The following HKDC1 variants were observed in gnomAD, a reference collection of about 807,000 sequenced individuals.
The protein encoded by HKDC1 is hexokinase domain containing 1.
HKDC1 carries 66 observed loss-of-function variants against 96.6 expected under a neutral mutation model. The observed-to-expected ratio is 0.68, with a 90% confidence interval of 0.56 to 0.84. HKDC1 has a LOEUF of 0.84. HKDC1 is among the 40% of genes least tolerant of loss of function. The pLI is 0.00. For missense variants in HKDC1, 1,211 were observed against 1,208.1 expected, an observed-to-expected ratio of 1.00 and a Z score of -0.04; for synonymous variants, 466 against 473.1, an observed-to-expected ratio of 0.98 and a Z score of 0.20.
At chr10:69,238,258 T>C (rs555538420) in intron 4 of HKDC1, among the ~76,000 whole-genome samples, 10 of 152,372 alleles carry the variant, frequency 6.6e-5, no homozygotes, top group Admixed American at 5.2e-4. Flanking sequence ...ATCATTTTTC[T>C]AAGTTGAAAT....
rs186317444 is a variant in HKDC1, at chr10:69,249,518, C to T, written c.1571-772C>T. 3.9e-4 allele frequency among the ~76,000 whole-genome samples: 59 copies of T among 152,140 alleles called. 1 individual carries two copies. The highest frequency in any genetic ancestry group is 1.3e-3 in the African/African-American group (56 of 41,522). On this transcript the variant is annotated intron_variant, in intron 10 of 17. Coordinates refer to ENST00000354624, the MANE Select transcript of HKDC1 (RefSeq NM_025130.4). ...ATTTTTATTTTTATTTTTTTTGAGACGGAGTCTCGCTCTGTCACCCAGGCT... is the reference window on the plus strand; with the variant it reads ...ATTTTTATTTTTATTTTTTTTGAGATGGAGTCTCGCTCTGTCACCCAGGCT...
chr10:69,247,659 C>G (rs1843564272), intron 9 of HKDC1, 66 bp downstream of exon 9: 1 of 1,254,942 alleles, frequency 8.0e-7, no homozygotes, highest in African/African-American at 1.5e-5. Flanking sequence ...CCAGTGTCTT[C>G]TGGACTATCC....
At chr10:69,242,651 T>G (rs1235133772) in intron 6 of HKDC1, among the ~76,000 whole-genome samples, 1 of 152,198 alleles carries the variant, frequency 6.6e-6, no homozygotes, top group Admixed American at 6.5e-5. Flanking sequence ...AGGCATTTCC[T>G]TGGAGCGATT....
At chr10:69,226,472 C>A (rs1260817179) in intron 1 of HKDC1, among the ~76,000 whole-genome samples, 6 of 151,838 alleles carry the variant, frequency 4.0e-5, no homozygotes, top group South Asian at 2.1e-4. Flanking sequence ...CATGGCGAAA[C>A]CCCATCTCTA....
intron 15 of HKDC1, among the ~76,000 whole-genome samples, chr10:69,260,837 T>C (rs541789923): frequency 6.6e-6 from 1 of 152,134 alleles, no homozygotes; most frequent in African/African-American, 2.4e-5. Context: ...ATTTGCAGAG[T>C]GGAACAGATT....
chr10:69,251,640 G>A (rs1324831925), intron 12 of HKDC1, among the ~76,000 whole-genome samples: 1 of 152,030 alleles, frequency 6.6e-6, no homozygotes, highest in Non-Finnish European at 1.5e-5. Context: ...CATTAATTTA[G>A]GTCTTCTTTA....
chr10:69,260,416 C>G (rs927442459), intron 15 of HKDC1, among the ~76,000 whole-genome samples: 3 of 152,224 alleles, frequency 2.0e-5, no homozygotes, highest in Non-Finnish European at 2.9e-5. Context: ...GCAGTTCATT[C>G]TAGTTAGCTT....
rs780227986 is a variant in HKDC1, at chr10:69,239,049, T to C, written c.503T>C (p.Leu168Pro). ...CRQTKLEEGVLLSWTKKFKAR... is the reference protein window; with the variant it reads ...CRQTKLEEGVPLSWTKKFKAR... ...CCTGAAATCTTCTCCCAGGGTGTCC[T>C]ACTTTCGTGGACAAAAAAGTTTAAG... Residue 168 changes from leucine (L) to proline (P), a missense_variant, in exon 5 of 18, where the codon CTA (leucine) becomes CCA (proline). By Grantham distance (98) the Leu-to-Pro change is moderately conservative. Transcript: ENST00000354624. The C allele has an allele frequency of 3.1e-6, 5 of 1,612,668 alleles. No individual in the cohort carries two copies. The highest frequency in any genetic ancestry group is 4.2e-6 in the Non-Finnish European group (5 of 1,178,850).
rs1843177381 is a variant in HKDC1 at position 69,227,374 on chromosome 10, G to A, written c.226+5G>A. ...GGGCCATTCCCGATGGTTCCGGTGA[G>A]TGCAGTTGTCCGCTGCCAGGGTCCC... On this transcript the variant is annotated splice_donor_5th_base_variant and intron_variant, in intron 2 of 17. Transcript: ENST00000354624. 3 of 1,614,146 alleles carry A rather than the reference G, an allele frequency of 1.9e-6. No individual in the cohort carries two copies. Among genetic ancestry groups the A allele is most frequent in the Non-Finnish European group, 2.5e-6 (3 of 1,180,002 alleles).
At chr10:69,222,776 G>A (rs7089312) in intron 1 of HKDC1, 33,056 of 152,140 alleles carry the variant, frequency 0.22, 4,381 homozygotes, top group Non-Finnish European at 0.31. Context: ...TTAAGCAAGT[G>A]CCCCAGGAAG....
chr10:69,258,909 C>T lies in HKDC1; in HGVS notation c.2166C>T (p.Thr722=). The T allele has an allele frequency of 6.2e-7, 1 of 1,606,048 alleles. No homozygotes were observed. The highest frequency in any genetic ancestry group is 8.5e-7 in the Non-Finnish European group (1 of 1,176,302). The change falls in exon 15 of 18, where the codon ACC becomes ACT. Residue 722 remains threonine, a synonymous_variant. Transcript: ENST00000354624. ...GDNGCIDDIW[T]RYDTEVDEGS... ...ATGGCTGCATAGATGACATCTGGAC[C>T]CGATACGACACGGAGGTGGATGAGG...
Position 69,220,363 on chromosome 10 carries a change from C to T in HKDC1, c.-73C>T, listed in dbSNP as rs978287264. On this transcript the variant is annotated 5_prime_UTR_variant, in exon 1 of 18. Transcript: ENST00000354624. The stretch of plus-strand genomic sequence containing the variant: ...GCCAGCCTGGACTGGAAGCGTGCAA[C>T]ACTCCAGAGTCGTAGGAGTGAACAC... The T allele has an allele frequency of 1.7e-6, 2 of 1,195,950 alleles. No homozygotes were observed. The highest frequency in any genetic ancestry group is 3.1e-5 in the African/African-American group (2 of 63,890). 74.1% of individuals were successfully genotyped at this position (1,195,950 alleles called of 1,614,324 possible).
In HKDC1 at chr10:69,258,832, G is replaced by A. The variant is rs754159524; in HGVS notation, c.2089G>A (p.Gly697Arg). The change falls in exon 15 of 18, where the codon GGG (glycine) becomes AGG (arginine). Residue 697 changes from glycine (G) to arginine (R), a missense_variant. Transcript: ENST00000354624. The stretch of plus-strand genomic sequence containing the variant: ...CATGAGGAACATCGAGATGGTGGAG[G>A]GGGGTGAAGGGAAGATGTGCATCAA... The part of the protein sequence containing the change: ...EDMRNIEMVE[G>R]GEGKMCINTE... 4 of 1,613,972 alleles carry A rather than the reference G, an allele frequency of 2.5e-6. No individual in the cohort carries two copies. The Admixed American group carries it at 5.0e-5, about 20-fold the overall frequency.
chr10:69,238,988 G>T, intron 4 of HKDC1, 54 bp from the exon 5 acceptor site: 1 of 1,330,786 alleles, frequency 7.5e-7, no homozygotes, highest in Admixed American at 1.8e-5. Flanking sequence ...CTGCGGCTCA[G>T]TTGCACATCT....
At chr10:69,243,153 C>T (rs201531521) in intron 6 of HKDC1, 29 bp from the exon 7 acceptor site, 67 of 1,612,322 alleles carry the variant, frequency 4.2e-5, no homozygotes, top group Admixed American at 3.2e-4. Context: ...AGTCCTCTCT[C>T]TGCATATTCT....
At chr10:69,228,278 C>T (rs1010950691) in intron 2 of HKDC1, among the ~76,000 whole-genome samples, 3 of 152,144 alleles carry the variant, frequency 2.0e-5, no homozygotes, top group African/African-American at 4.8e-5. Context: ...CCTTCTGCCT[C>T]CTTTCAACAT....
At chr10:69,258,682 C>T (rs1843758096) in intron 14 of HKDC1, 94 bp from the exon 15 acceptor site, 11 of 1,295,280 alleles carry the variant, frequency 8.5e-6, no homozygotes, top group East Asian at 2.3e-5. Flanking sequence ...TTGTATCTGA[C>T]TCCAAGCTTA....
intron 2 of HKDC1, 61 bp from the exon 3 acceptor site, chr10:69,232,703 A>C: frequency 3.4e-6 from 5 of 1,475,868 alleles, no homozygotes; most frequent in Non-Finnish European, 4.7e-6. Context: ...CCTCTAATGC[A>C]GAGCTTGCCA....
chr10:69,225,322 C>T (rs1843137922), intron 1 of HKDC1, among the ~76,000 whole-genome samples: 1 of 152,188 alleles, frequency 6.6e-6, no homozygotes. Context: ...CAGCATCCCA[C>T]CCTTCCCCAA....
Sources: gnomAD v4.1 joint callset for allele counts (sites outside exome capture counted in the v4.1 genomes callset) on GRCh38, gnomAD v4.1.1 for gene constraint, MANE v1.5 for transcripts, NCBI Gene and HGNC (gene_info 2026-07-23, HGNC 2026-07-21) for gene names.